Variants in DMD observed in about 807,000 individuals in gnomAD.
The protein encoded by DMD is dystrophin, also known as mutant dystrophin.
Under a neutral mutation model 330.1 loss-of-function variants are expected in DMD, and 63 were observed. The observed-to-expected ratio is 0.19, with a 90% CI of 0.16 to 0.24. DMD has a LOEUF of 0.24. DMD is among the 10% of genes least tolerant of loss of function. The probability of loss-of-function intolerance (pLI) is 1.00; values close to 1 mark genes in which losing one functional copy is unlikely to be tolerated. For missense variants in DMD, 3,344 were observed against 2,684.1 expected (o/e 1.25, Z -5.43); for synonymous variants, 1,223 against 959.8 (o/e 1.27, Z -5.07).
At chrX:32,602,374 A>T (rs995040947) in intron 12 of DMD, among the ~76,000 whole-genome samples, 1 of 111,892 alleles carries the variant, frequency 8.9e-6, no homozygotes, top group African/African-American at 3.2e-5. Flanking sequence ...AACCAATAAC[A>T]TTGAATAAAT....
intron 44 of DMD, among the ~76,000 whole-genome samples, chrX:32,058,430 G>C (rs2096197067): frequency 9.1e-6 from 1 of 109,998 alleles, no homozygotes; most frequent in Admixed American, 9.8e-5. Context: ...CAAAGGAATT[G>C]AATAGATATT....
At chrX:31,249,751 A>G (rs2049164476) in intron 63 of DMD, among the ~76,000 whole-genome samples, 1 of 110,949 alleles carries the variant, frequency 9.0e-6, no homozygotes, top group African/African-American at 3.3e-5. Flanking sequence ...GTCTCTCACT[A>G]TCTGAATTCT....
chrX:32,466,707 T>C (rs766253870), intron 23 of DMD, among the ~76,000 whole-genome samples: 1 of 110,332 alleles, frequency 9.1e-6, no homozygotes, highest in South Asian at 3.9e-4. Flanking sequence ...GAGAGAGAAA[T>C]TGACACTAGA....
chrX:33,090,344 T>G (rs189360819), intron 1 of DMD, among the ~76,000 whole-genome samples: 121 of 108,979 alleles, frequency 1.1e-3, no homozygotes, highest in African/African-American at 3.7e-3. Context: ...AATGATAGTA[T>G]AGAATATTAT....
chrX:31,752,989 G>T (rs2088721765), intron 51 of DMD, among the ~76,000 whole-genome samples: 1 of 112,146 alleles, frequency 8.9e-6, no homozygotes, highest in Admixed American at 9.5e-5. Context: ...GGTGCAGAGG[G>T]AGAGGGAAGA....
intron 55 of DMD, among the ~76,000 whole-genome samples, chrX:31,599,159 T>A (rs2077236462): frequency 1.8e-5 from 2 of 112,135 alleles, no homozygotes; most frequent in Admixed American, 1.9e-4. Flanking sequence ...CTTCTTTTAA[T>A]TATTAAAAAT....
chrX:32,528,393 G>C (rs1437637531), intron 17 of DMD, among the ~76,000 whole-genome samples: 2 of 111,990 alleles, frequency 1.8e-5, no homozygotes, highest in African/African-American at 6.5e-5. Context: ...TATCTTTCTG[G>C]TATTTTCTTG....
chrX:31,127,241 G>A (rs1466259678), intron 77 of DMD, among the ~76,000 whole-genome samples: 4 of 111,905 alleles, frequency 3.6e-5, no homozygotes, highest in Non-Finnish European at 7.5e-5. Context: ...AAGAACAGAT[G>A]AGGGGAAGAG....
intron 7 of DMD, among the ~76,000 whole-genome samples, chrX:32,743,005 T>TAC (rs1367514416): frequency 9.0e-6 from 1 of 111,336 alleles, no homozygotes; most frequent in East Asian, 2.8e-4. Context: ...GTGCTGATGA[T>TAC]ACCCTGTCTC....
intron 2 of DMD, among the ~76,000 whole-genome samples, chrX:32,857,029 A>G (rs5972697): frequency 0.17 from 18,842 of 107,946 alleles, 1,726 homozygotes; most frequent in African/African-American, 0.33. Flanking sequence ...GAGCCCAGAT[A>G]GCATCACTGC....
chrX:31,719,267 T>C (rs1370621249), intron 52 of DMD, among the ~76,000 whole-genome samples: 1 of 112,294 alleles, frequency 8.9e-6, no homozygotes, highest in East Asian at 2.8e-4. Context: ...AGCTTTCCTC[T>C]AATCCAGAAA....
chrX:32,760,856 G>C (rs1029571231), intron 7 of DMD, among the ~76,000 whole-genome samples: 14 of 111,331 alleles, frequency 1.3e-4, no homozygotes, highest in Non-Finnish European at 3.8e-5. Context: ...ATAGCTTTTT[G>C]TACCTCACAT....
At chrX:31,611,456 T>C (rs1193017757) in intron 55 of DMD, among the ~76,000 whole-genome samples, 2 of 111,942 alleles carry the variant, frequency 1.8e-5, no homozygotes, top group African/African-American at 6.5e-5. Context: ...AATACTTCTA[T>C]TAAAAAAAGT....
intron 1 of DMD, among the ~76,000 whole-genome samples, chrX:33,274,892 C>T (rs538297767): frequency 1.8e-5 from 2 of 111,397 alleles, no homozygotes; most frequent in Non-Finnish European, 3.8e-5. Flanking sequence ...GCCTTCATAG[C>T]GAGGAAGCCA....
At chrX:32,323,318 C>T (rs1242964445) in intron 41 of DMD, among the ~76,000 whole-genome samples, 1 of 110,890 alleles carries the variant, frequency 9.0e-6, no homozygotes, top group East Asian at 2.8e-4. Flanking sequence ...GCCCCACAGA[C>T]ACTGAAGGAT....
chrX:32,681,692 A>G (rs948415860), intron 9 of DMD, among the ~76,000 whole-genome samples: 3 of 112,011 alleles, frequency 2.7e-5, no homozygotes, highest in Non-Finnish European at 3.8e-5. Flanking sequence ...TTTGATCAAT[A>G]TGCTTTATGT....
Position 32,580,888 on chromosome X carries a change from G to A in DMD, c.1603-7042C>T, listed in dbSNP as rs763720715. On this transcript the variant is annotated intron_variant, in intron 13 of 78. Transcript: ENST00000357033. ...GTCCCCTAGGCTGGAGAGCAGTGGC[G>A]CGATCTCGGCTCACTGCAACCTCCA... Among the ~76,000 whole-genome samples, 6 of 110,668 alleles carry A rather than the reference G, an allele frequency of 5.4e-5. No individual in the cohort carries two copies. In the South Asian group the frequency reaches 1.2e-3, roughly 22 times the overall value.
At chrX:31,618,762 A>C (rs2078359855) in intron 55 of DMD, among the ~76,000 whole-genome samples, 2 of 112,063 alleles carry the variant, frequency 1.8e-5, no homozygotes, top group Admixed American at 9.5e-5. Context: ...GAGCGCCGAC[A>C]TGATTCTCAA....
At chrX:32,031,052 C>T (rs1311347644) in intron 44 of DMD, among the ~76,000 whole-genome samples, 1 of 111,287 alleles carries the variant, frequency 9.0e-6, no homozygotes, top group Non-Finnish European at 1.9e-5. Context: ...CATAAAGCTG[C>T]ACTCAAATTA....
Sources: gnomAD v4.1 joint callset for allele counts (sites outside exome capture counted in the v4.1 genomes callset) on GRCh38, gnomAD v4.1.1 for gene constraint, MANE v1.5 for transcripts, NCBI Gene and HGNC (gene_info 2026-07-23, HGNC 2026-07-21) for gene names.